Variants in CDC14A observed in about 807,000 individuals in gnomAD.
CDC14A encodes the protein cell division cycle 14A.
A neutral mutation model predicts 74.4 loss-of-function variants in CDC14A; 53 were observed. The ratio of observed to expected loss-of-function variants is 0.71; its 90% CI spans 0.57 to 0.89. The LOEUF (loss-of-function observed/expected upper bound fraction) is 0.89. CDC14A is among the 40% of genes least tolerant of loss of function. The pLI, the probability that CDC14A is intolerant of heterozygous loss-of-function variation, is 0.00. For synonymous variants in CDC14A, 247 were observed against 258.4 expected, an observed-to-expected ratio of 0.96 and a Z score of 0.43; for missense variants, 646 against 713.7, an observed-to-expected ratio of 0.91 and a Z score of 1.08.
chr1:100,392,754 C>T (rs1299229650), intron 4 of CDC14A, among the ~76,000 whole-genome samples: 1 of 152,248 alleles, frequency 6.6e-6, no homozygotes, highest in South Asian at 2.1e-4. Context: ...GCCCACATGG[C>T]TCAAAATTAA....
chr1:100,393,272 C>G (rs145130144), intron 4 of CDC14A: 3 of 1,339,068 alleles, frequency 2.2e-6, no homozygotes, highest in Non-Finnish European at 3.2e-6. Context: ...CATGTTCAAT[C>G]ATATGAACTA....
chr1:100,405,923 T>G (rs1659882089), intron 4 of CDC14A, among the ~76,000 whole-genome samples: 1 of 152,228 alleles, frequency 6.6e-6, no homozygotes, highest in Non-Finnish European at 1.5e-5. Context: ...CAAACGGTAT[T>G]TCTGCCTCTA....
intron 4 of CDC14A, among the ~76,000 whole-genome samples, chr1:100,408,172 G>A (rs1318158274): frequency 6.6e-6 from 1 of 152,038 alleles, no homozygotes; most frequent in Non-Finnish European, 1.5e-5. Flanking sequence ...GCAGTATTTG[G>A]TTTTCTGTTC....
At chr1:100,471,429 C>T (rs1246284136) in intron 10 of CDC14A, among the ~76,000 whole-genome samples, 1 of 152,084 alleles carries the variant, frequency 6.6e-6, no homozygotes, top group Non-Finnish European at 1.5e-5. Context: ...ATACCATTTA[C>T]AATGTATCTG....
At position 100,518,261 on chromosome 1, in the gene CDC14A, C is replaced by A. The variant is rs28364923; in HGVS notation, c.1766C>A (p.Ser589Tyr). The change falls in exon 16 of 16, where the codon TCT becomes TAT. Residue 589 changes from serine to tyrosine, a missense_variant. By Grantham distance (144) the Ser-to-Tyr change is moderately radical. Coordinates refer to ENST00000336454, the MANE Select transcript of CDC14A (RefSeq NM_003672.4). ...TCTCTCCCTGCACAGTCCCTTCAGT[C>A]TGAATATGTTCATTACTAAGGCCTT... is the stretch of plus-strand genomic sequence containing the variant. ...FLSRSIPSLQ[S>Y]EYVHY is the part of the protein sequence containing the mutation. 3 of 1,611,344 alleles carry A rather than the reference C, an allele frequency of 1.9e-6. No homozygotes were observed. The African/African-American group carries it at 4.0e-5, about 22-fold the overall frequency.
In CDC14A at chr1:100,496,969, ATATT is replaced by A. The variant is rs1215397403; in HGVS notation, c.1298+925_1298+928del. Among the ~76,000 whole-genome samples the A allele has an allele frequency of 4.6e-5, 7 of 152,326 alleles. No individual in the cohort carries two copies. In the East Asian group the frequency reaches 1.3e-3, roughly 29 times the overall value. On this transcript the variant is annotated intron_variant, in intron 13 of 15. Transcript: ENST00000336454. The stretch of plus-strand genomic sequence containing the variant: ...TTTTTCCTTTTTGTCCACTTGGCAA[ATATT>A]TATTGAGCACCTGCTCAGAATCCAG...
At chr1:100,513,004 T>C (rs1048160683) in intron 15 of CDC14A, among the ~76,000 whole-genome samples, 3 of 152,152 alleles carry the variant, frequency 2.0e-5, no homozygotes, top group Admixed American at 2.0e-4. Context: ...TTCACCACTA[T>C]ACAATTCATC....
chr1:100,391,469 T>A (rs1185089009), intron 4 of CDC14A, among the ~76,000 whole-genome samples: 1 of 152,200 alleles, frequency 6.6e-6, no homozygotes, highest in Admixed American at 6.5e-5. Context: ...ATTTTCTATA[T>A]ATGCTGTGAT....
rs775385821 is a variant in CDC14A, at chr1:100,499,167, C to G, written c.1660C>G (p.His554Asp). The G allele has an allele frequency of 6.2e-7, 1 of 1,614,180 alleles. No homozygotes were observed. Among genetic ancestry groups the G allele is most frequent in the South Asian group, 1.1e-5 (1 of 91,080 alleles). The change falls in exon 15 of 16, where the codon CAC (histidine) becomes GAC (aspartate). Residue 554 changes from histidine to aspartate, a missense_variant. His to Asp is a moderately conservative substitution (Grantham distance 81). Coordinates refer to ENST00000336454, the MANE Select transcript of CDC14A (RefSeq NM_003672.4). ...GGNLNSPPGP[H>D]SAKTEEHTTI... is the part of the protein sequence containing the mutation. Reference sequence around the variant, plus strand: ...CAACCTGAACAGCCCCCCAGGCCCCCACAGCGCCAAGACAGAGGAGCACAC... The same window carrying G: ...CAACCTGAACAGCCCCCCAGGCCCCGACAGCGCCAAGACAGAGGAGCACAC...
intron 8 of CDC14A, among the ~76,000 whole-genome samples, chr1:100,461,051 C>A (rs986421367): frequency 1.2e-4 from 19 of 152,124 alleles, no homozygotes; most frequent in Non-Finnish European, 1.8e-4. Flanking sequence ...TCAAAGAAGA[C>A]TAAAAAGTAA....
intron 11 of CDC14A, among the ~76,000 whole-genome samples, chr1:100,490,545 G>A (rs564773527): frequency 6.6e-6 from 1 of 152,184 alleles, no homozygotes; most frequent in East Asian, 1.9e-4. Flanking sequence ...CCCCAAGTCT[G>A]AACTCCCATG....
At chr1:100,424,385 C>A in intron 5 of CDC14A, 84 bp downstream of exon 5, 1 of 908,536 alleles carries the variant, frequency 1.1e-6, no homozygotes, top group Non-Finnish European at 1.8e-6. Flanking sequence ...TTTTAATTGT[C>A]TTAAGATAAT....
upstream of CDC14A, among the ~76,000 whole-genome samples, chr1:100,352,115 G>A (rs1469990450): frequency 6.6e-6 from 1 of 152,124 alleles, no homozygotes; most frequent in Non-Finnish European, 1.5e-5. Flanking sequence ...GACTTAGAGG[G>A]TGCAGAAAAG....
chr1:100,393,321 T>C (rs1008223793), intron 4 of CDC14A: 1 of 1,054,356 alleles, frequency 9.5e-7, no homozygotes, highest in Non-Finnish European at 1.5e-6. Flanking sequence ...ACATCCATGC[T>C]GTGACATTAG....
chr1:100,467,899 T>C (rs1021091043), intron 9 of CDC14A, 57 bp from the exon 10 acceptor site: 20 of 1,497,752 alleles, frequency 1.3e-5, no homozygotes, highest in Non-Finnish European at 1.8e-5. Flanking sequence ...ATTTCAGTGT[T>C]TTTGTGGTAG....
chr1:100,404,695 T>G (rs529133974), intron 4 of CDC14A, among the ~76,000 whole-genome samples: 2 of 152,092 alleles, frequency 1.3e-5, no homozygotes, highest in South Asian at 4.2e-4. Context: ...CTGGGCGTGG[T>G]GGAAGGTGCC....
At chr1:100,353,969 A>G in intron 2 of CDC14A, 117 bp downstream of exon 2, 5 of 661,766 alleles carry the variant, frequency 7.6e-6, no homozygotes, top group South Asian at 6.7e-5. Context: ...ACGAGTAACA[A>G]TATCAATTTT....
intron 3 of CDC14A, among the ~76,000 whole-genome samples, chr1:100,387,869 C>G (rs1472196691): frequency 1.3e-5 from 2 of 152,046 alleles, no homozygotes; most frequent in Non-Finnish European, 2.9e-5. Flanking sequence ...CCCCCCAACC[C>G]CCTCCAAAAA....
intron 5 of CDC14A, among the ~76,000 whole-genome samples, chr1:100,429,713 T>TTA (rs1274928974): frequency 7.0e-6 from 1 of 143,616 alleles, no homozygotes; most frequent in East Asian, 2.0e-4. Flanking sequence ...TCAAGTATAT[T>TTA]TATATATATA....
Sources: allele counts gnomAD v4.1 joint callset (sites outside exome capture counted in the v4.1 genomes callset), GRCh38; gene constraint gnomAD v4.1.1; transcripts MANE v1.5; gene names NCBI Gene and HGNC (gene_info 2026-07-23, HGNC 2026-07-21).